Variants in NTM observed in about 807,000 individuals in gnomAD.
NTM encodes the protein neurotrimin.
In NTM, 13 loss-of-function variants were observed where a neutral mutation model predicts 42.1. The observed-to-expected ratio is 0.31, with a 90% CI of 0.20 to 0.49. The LOEUF (loss-of-function observed/expected upper bound fraction) is 0.49, where lower values mean the gene tolerates loss of function less well. Ranked by LOEUF, NTM falls within the 20% of genes least tolerant of loss-of-function variation. The pLI is 0.99. For synonymous variants in NTM, 187 were observed against 179.2 expected (o/e 1.04, Z -0.35); for missense variants, 373 against 452.8 (o/e 0.82, Z 1.60).
chr11:132,192,472 T>A (rs2079467825), intron 3 of NTM, among the ~76,000 whole-genome samples: 1 of 152,170 alleles, frequency 6.6e-6, no homozygotes, highest in South Asian at 2.1e-4. Flanking sequence ...ACTAAGGGAA[T>A]TTGTTACCAC....
At chr11:131,988,657 TA>T (rs1410416718) in intron 2 of NTM, among the ~76,000 whole-genome samples, 7 of 152,196 alleles carry the variant, frequency 4.6e-5, no homozygotes, top group African/African-American at 1.7e-4. Flanking sequence ...CACATCCATT[TA>T]AATCAGAGAT....
At chr11:132,328,778 G>A (rs1361275964) in intron 7 of NTM, among the ~76,000 whole-genome samples, 4 of 151,876 alleles carry the variant, frequency 2.6e-5, no homozygotes, top group South Asian at 2.1e-4. Context: ...AAAAATCACC[G>A]GTACCTAAAT....
At chr11:132,323,353 G>A (rs1167542146) in intron 7 of NTM, among the ~76,000 whole-genome samples, 3 of 151,910 alleles carry the variant, frequency 2.0e-5, no homozygotes, top group Non-Finnish European at 2.9e-5. Flanking sequence ...TATCACCACT[G>A]ATCCCACAGA....
chr11:132,267,929 GT>G (rs904424013), intron 4 of NTM, among the ~76,000 whole-genome samples: 2 of 151,386 alleles, frequency 1.3e-5, no homozygotes, highest in Admixed American at 6.6e-5. Context: ...GCATATGGGT[GT>G]TTTTTTTGCA....
chr11:132,252,462 G>A (rs2092048188), intron 4 of NTM, among the ~76,000 whole-genome samples: 1 of 152,304 alleles, frequency 6.6e-6, no homozygotes, highest in South Asian at 2.1e-4. Flanking sequence ...GGAAATGGGA[G>A]AGGAGCAATT....
intron 1 of NTM, among the ~76,000 whole-genome samples, chr11:131,556,015 G>A (rs1592039487): frequency 6.6e-6 from 1 of 152,296 alleles, no homozygotes; most frequent in East Asian, 1.9e-4. Flanking sequence ...TCAATGGAAA[G>A]TTTCTTGCGT....
intron 1 of NTM, among the ~76,000 whole-genome samples, chr11:131,541,849 CCT>C (rs1671001595): frequency 6.6e-6 from 1 of 152,206 alleles, no homozygotes; most frequent in Non-Finnish European, 1.5e-5. Context: ...AGCGTCATTT[CCT>C]CTCTCCCCTA....
intron 2 of NTM, among the ~76,000 whole-genome samples, chr11:132,111,975 T>C (rs1322413736): frequency 1.3e-5 from 2 of 152,252 alleles, no homozygotes; most frequent in South Asian, 2.1e-4. Flanking sequence ...ACTTTGCTTT[T>C]CTCAACAGAG....
intron 5 of NTM, among the ~76,000 whole-genome samples, chr11:132,308,710 T>G (rs758625357): frequency 3.3e-5 from 5 of 152,242 alleles, no homozygotes; most frequent in Admixed American, 6.5e-5. Context: ...AGATTTAGGT[T>G]TGTGTTACAA....
intron 1 of NTM, among the ~76,000 whole-genome samples, chr11:131,379,847 C>T (rs976309346): frequency 1.3e-5 from 2 of 152,180 alleles, no homozygotes; most frequent in Non-Finnish European, 2.9e-5. Flanking sequence ...TGGTTCTTCT[C>T]TAGAGTTGTT....
intron 1 of NTM, among the ~76,000 whole-genome samples, chr11:131,706,672 A>G (rs1431959252): frequency 6.6e-6 from 1 of 152,098 alleles, no homozygotes; most frequent in East Asian, 1.9e-4. Flanking sequence ...GCAATCAATA[A>G]CAGGAGGAAA....
chr11:131,823,162 C>T (rs1406307314), intron 1 of NTM, among the ~76,000 whole-genome samples: 2 of 152,164 alleles, frequency 1.3e-5, no homozygotes, highest in Non-Finnish European at 1.5e-5. Flanking sequence ...AGATACACTG[C>T]TGGTGATTGT....
At chr11:131,550,233 G>A (rs994193040) in intron 1 of NTM, among the ~76,000 whole-genome samples, 61 of 152,204 alleles carry the variant, frequency 4.0e-4, no homozygotes, top group African/African-American at 1.4e-3. Context: ...GATTGCTTGA[G>A]CCCAGGAGTT....
At chr11:131,527,915 G>A (rs1320617714) in intron 1 of NTM, among the ~76,000 whole-genome samples, 1 of 152,186 alleles carries the variant, frequency 6.6e-6, no homozygotes, top group African/African-American at 2.4e-5. Flanking sequence ...TACTAGTTGA[G>A]TATCCCTAAC....
rs1270434746 is a variant in NTM at position 131,500,562 on chromosome 11, T to C, written c.82+129674T>C. 3.4e-3 allele frequency among the ~76,000 whole-genome samples: 85 copies of C among 25,172 alleles called. 4 individuals carry two copies. Among genetic ancestry groups the C allele is most frequent in the African/African-American group, 0.022 (77 of 3,500 alleles). The allele number at this position is 25,172 out of a possible 152,430, so 16.5% of individuals were successfully genotyped here. A position where few individuals can be genotyped will look rare whatever the true frequency, so the allele number is the denominator to read the frequency against. ...TTTATTATATATATATATATATATA[T>C]ATATATATATATATATTTTTTTTTT... On this transcript the variant is annotated intron_variant, in intron 1 of 8. Coordinates refer to ENST00000683400, the MANE Select transcript of NTM (RefSeq NM_001352005.2).
At chr11:131,808,187 A>C (rs982558732) in intron 1 of NTM, among the ~76,000 whole-genome samples, 7 of 152,220 alleles carry the variant, frequency 4.6e-5, no homozygotes, top group Non-Finnish European at 7.3e-5. Context: ...TGCTATGTTC[A>C]TGAATTGATA....
At chr11:131,744,022 G>A (rs373360190) in intron 1 of NTM, among the ~76,000 whole-genome samples, 1 of 152,142 alleles carries the variant, frequency 6.6e-6, no homozygotes, top group African/African-American at 2.4e-5. Context: ...AGAAACTCTT[G>A]ATATTCCAAA....
intron 3 of NTM, among the ~76,000 whole-genome samples, chr11:132,209,445 G>A (rs574976409): frequency 1.3e-3 from 205 of 152,258 alleles, no homozygotes; most frequent in African/African-American, 4.6e-3. Flanking sequence ...AGACACACAC[G>A]CTGCCTATCT....
intron 3 of NTM, among the ~76,000 whole-genome samples, chr11:132,191,360 C>A (rs1235890318): frequency 6.6e-6 from 1 of 152,188 alleles, no homozygotes. Context: ...GAGGACAAAG[C>A]CACAGACCAA....
Sources: gnomAD v4.1 joint callset for allele counts (sites outside exome capture counted in the v4.1 genomes callset) on GRCh38, gnomAD v4.1.1 for gene constraint, MANE v1.5 for transcripts, NCBI Gene and HGNC (gene_info 2026-07-23, HGNC 2026-07-21) for gene names.